Variants in RBPJL observed in about 807,000 individuals in gnomAD.
RBPJL encodes recombining binding protein suppressor of hairless-like protein.
A neutral mutation model predicts 57.6 loss-of-function variants in RBPJL; 50 were observed. The observed-to-expected ratio is 0.87, with a 90% CI of 0.69 to 1.10. The LOEUF (loss-of-function observed/expected upper bound fraction) is 1.10. Ranked by LOEUF, RBPJL falls within the 50% of genes least tolerant of loss-of-function variation. The pLI, the probability that RBPJL is intolerant of heterozygous loss-of-function variation, is 0.00. For synonymous variants in RBPJL, 303 were observed against 294.4 expected, an observed-to-expected ratio of 1.03 and a Z score of -0.30; for missense variants, 684 against 693.7, an observed-to-expected ratio of 0.99 and a Z score of 0.16.
At chr20:45,307,969 G>A (rs1369257731) in intron 1 of RBPJL, among the ~76,000 whole-genome samples, 174 bp from the exon 2 acceptor site, 1 of 152,170 alleles carries the variant, frequency 6.6e-6, no homozygotes, top group African/African-American at 2.4e-5. Flanking sequence ...GTTCCTGGAG[G>A]GATGAGAGTA....
At position 45,306,896 on chromosome 20, in the gene RBPJL, G is replaced by A. The variant is rs1986734680; in HGVS notation, c.-27G>A. On this transcript the variant is annotated 5_prime_UTR_variant, in exon 1 of 12. Coordinates refer to ENST00000343694, the MANE Select transcript of RBPJL (RefSeq NM_014276.4). ...TGGACTCGTCCAGAGGGCGGCGGGT[G>A]AGCGGCTGGGGCCCCGTGGAGCCAC... The A allele has an allele frequency of 3.2e-6, 4 of 1,256,626 alleles. No homozygotes were observed. In the South Asian group the frequency reaches 1.5e-4, roughly 48 times the overall value. The allele number at this position is 1,256,626 out of a possible 1,614,324, so 77.8% of individuals were successfully genotyped here.
At position 45,311,910 on chromosome 20, in the gene RBPJL, A is replaced by G. The variant is rs2145690372; in HGVS notation, c.400A>G (p.Thr134Ala). ...MGLDSASGSA[T>A]ETQKLNFEQQ... Reference sequence around the variant, plus strand: ...ACTGGACAGCGCGTCCGGCAGCGCCACTGAGACGCAGAAGCTGAATTTCGA... The same window carrying G: ...ACTGGACAGCGCGTCCGGCAGCGCCGCTGAGACGCAGAAGCTGAATTTCGA... The change falls in exon 5 of 12, where the codon ACT becomes GCT. Residue 134 changes from threonine (T) to alanine (A), a missense_variant. Physicochemically the swap from Thr to Ala is moderately conservative, Grantham distance 58 (BLOSUM62 0). Transcript: ENST00000343694. 1 of 1,551,434 alleles carries G rather than the reference A, an allele frequency of 6.4e-7. No individual in the cohort carries two copies. The highest frequency in any genetic ancestry group is 8.7e-7 in the Non-Finnish European group (1 of 1,147,040).
chr20:45,316,293 C>A lies in RBPJL; in HGVS notation c.1127C>A (p.Ala376Glu), dbSNP rs1429422324. The change falls in exon 10 of 12, where the codon GCG becomes GAG. Residue 376 changes from alanine (A) to glutamate (E), a missense_variant. Physicochemically the swap from Ala to Glu is moderately radical, Grantham distance 107. Coordinates refer to ENST00000343694, the MANE Select transcript of RBPJL (RefSeq NM_014276.4). ...SVEFSFSTSL[A>E]CTLEPVTPVP... ...GAATTTTCCTTCAGCACCAGCCTGG[C>A]GTGTACCCTGGAGCCGGTCACTCCG... 4 of 1,614,126 alleles carry A rather than the reference C, an allele frequency of 2.5e-6. No individual in the cohort carries two copies. The African/African-American group carries it at 5.3e-5, about 22-fold the overall frequency.
chr20:45,310,437 T>C (rs973891620), intron 3 of RBPJL, among the ~76,000 whole-genome samples: 19 of 151,986 alleles, frequency 1.3e-4, no homozygotes, highest in African/African-American at 4.6e-4. Flanking sequence ...TGAAACCCCC[T>C]CTCTACCAAA....
rs1382639682 is a variant in RBPJL at position 45,313,491 on chromosome 20, G to T, written c.643G>T (p.Val215Phe). Reference protein sequence around the residue: ...TDLCISSGSKVSLFNRLRSQT... With the variant: ...TDLCISSGSKFSLFNRLRSQT... The stretch of plus-strand genomic sequence containing the variant: ...AGTGTGCATATCCTCCGGCTCAAAG[G>T]TCTCCCTCTTCAACCGCCTGCGCTC... Residue 215 changes from valine to phenylalanine, a missense_variant, in exon 7 of 12, where the codon GTC becomes TTC. Val to Phe is a conservative substitution (Grantham distance 50). Coordinates refer to ENST00000343694, the MANE Select transcript of RBPJL (RefSeq NM_014276.4). The T allele has an allele frequency of 1.9e-6, 3 of 1,613,350 alleles. No homozygotes were observed. The highest frequency in any genetic ancestry group is 1.7e-4 in the Middle Eastern group (1 of 6,026).
intron 1 of RBPJL, 104 bp from the exon 2 acceptor site, chr20:45,308,039 C>A: frequency 1.3e-6 from 1 of 743,028 alleles, no homozygotes; most frequent in Non-Finnish European, 2.4e-6. Flanking sequence ...GGAAAGGACC[C>A]TGCAGAAGTG....
rs1305428088 is a variant in RBPJL at position 45,316,961 on chromosome 20, C to T, written c.*2C>T. ...TTCCACCTCTTCATCCAGACTTAGGCGCGCCCGGTAGCCCCGGCTGCCCAC... is the reference window on the plus strand; with the variant it reads ...TTCCACCTCTTCATCCAGACTTAGGTGCGCCCGGTAGCCCCGGCTGCCCAC... On this transcript the variant is annotated 3_prime_UTR_variant, in exon 12 of 12. Transcript: ENST00000343694. 3 of 1,607,998 alleles carry T rather than the reference C, an allele frequency of 1.9e-6. No homozygotes were observed. The highest frequency in any genetic ancestry group is 2.6e-6 in the Non-Finnish European group (3 of 1,175,684).
chr20:45,317,187 G>A lies in RBPJL; in HGVS notation c.*228G>A, dbSNP rs368071002. ...GAGTGGTGCTGTCTTTGTGTCCGTCGTGTATGGCTCTCCCTGTCTTCATTT... is the reference window on the plus strand; with the variant it reads ...GAGTGGTGCTGTCTTTGTGTCCGTCATGTATGGCTCTCCCTGTCTTCATTT... On this transcript the variant is annotated 3_prime_UTR_variant, in exon 12 of 12. Coordinates refer to ENST00000343694, the MANE Select transcript of RBPJL (RefSeq NM_014276.4). 4.5e-5 allele frequency: 26 copies of A among 581,160 alleles called. No individual in the cohort carries two copies. In the African/African-American group the frequency reaches 4.7e-4, roughly 10 times the overall value. The allele number at this position is 581,160 out of a possible 1,614,324, so 36.0% of individuals were successfully genotyped here.
chr20:45,317,161 T>G lies in RBPJL; in HGVS notation c.*202T>G. 1.6e-6 allele frequency: 1 copy of G among 607,606 alleles called. No individual in the cohort carries two copies. Among genetic ancestry groups the G allele is most frequent in the East Asian group, 2.8e-5 (1 of 35,724 alleles). 37.6% of individuals were successfully genotyped at this position (607,606 alleles called of 1,614,324 possible). On this transcript the variant is annotated 3_prime_UTR_variant, in exon 12 of 12. Transcript: ENST00000343694. ...CTTACACATACAGGAAGACAAGACC[T>G]GAGTGGTGCTGTCTTTGTGTCCGTC...
intron 3 of RBPJL, among the ~76,000 whole-genome samples, chr20:45,310,344 C>T (rs1397372228): frequency 1.3e-5 from 2 of 152,144 alleles, no homozygotes; most frequent in Non-Finnish European, 2.9e-5. Flanking sequence ...CGATGGCTCA[C>T]ACCTGTAATC....
chr20:45,308,093 T>A lies in RBPJL; in HGVS notation c.23-50T>A, dbSNP rs546116902. The A allele has an allele frequency of 4.0e-5, 54 of 1,341,466 alleles. 1 individual carries two copies. The South Asian group carries it at 6.2e-4, about 16-fold the overall frequency. The allele number at this position is 1,341,466 out of a possible 1,614,324, so 83.1% of individuals were successfully genotyped here. On this transcript the variant is annotated intron_variant, in intron 1 of 11. Coordinates refer to ENST00000343694, the MANE Select transcript of RBPJL (RefSeq NM_014276.4). ...CAGATAGGGCACCCTAGGCAGCGTC[T>A]CTGCTAAAATACACTCGCCTGACCT... is the stretch of plus-strand genomic sequence containing the variant.
chr20:45,312,024 T>G, intron 5 of RBPJL, 70 bp downstream of exon 5: 1 of 1,456,296 alleles, frequency 6.9e-7, no homozygotes, highest in Non-Finnish European at 9.5e-7. Flanking sequence ...GAGGGCTCCT[T>G]TACTCCCCTC....
rs1173585749 is a variant in RBPJL at position 45,316,804 on chromosome 20, T to C, written c.1399T>C (p.Tyr467His). The change falls in exon 12 of 12, where the codon TAC becomes CAC. Residue 467 changes from tyrosine (Y) to histidine (H), a missense_variant. Transcript: ENST00000343694. ...CCTGGTGCGCGCCGACGGGCTCTTC[T>C]ACCCTAGTGCCTTCTCCTTCACCTA... ...MSLVRADGLF[Y>H]PSAFSFTYTP... 6.2e-7 allele frequency: 1 copy of C among 1,613,808 alleles called. No homozygotes were observed. Among genetic ancestry groups the C allele is most frequent in the Non-Finnish European group, 8.5e-7 (1 of 1,179,858 alleles).
rs543751498 is a variant in RBPJL, at chr20:45,313,646, G to A, written c.757+41G>A. On this transcript the variant is annotated intron_variant, in intron 7 of 11. Coordinates refer to ENST00000343694, the MANE Select transcript of RBPJL (RefSeq NM_014276.4). ...GGCCCTGGAGCTGGGCACTTCACATGCATTAGCTTATTTAACCTCCACCAC... is the reference window on the plus strand; with the variant it reads ...GGCCCTGGAGCTGGGCACTTCACATACATTAGCTTATTTAACCTCCACCAC... The A allele has an allele frequency of 2.3e-5, 35 of 1,536,106 alleles. No homozygotes were observed. The South Asian group carries it at 4.0e-4, about 18-fold the overall frequency.
At chr20:45,313,991 G>T in intron 7 of RBPJL, 44 bp from the exon 8 acceptor site, 2 of 1,396,752 alleles carry the variant, frequency 1.4e-6, no homozygotes. Flanking sequence ...GCAGAAGCTT[G>T]GGGGCCGCTG....
In RBPJL at chr20:45,311,851, G is replaced by T. The variant is rs758291471; in HGVS notation, c.341G>T (p.Gly114Val). 13 of 1,551,786 alleles carry T rather than the reference G, an allele frequency of 8.4e-6. No homozygotes were observed. The highest frequency in any genetic ancestry group is 1.1e-5 in the Non-Finnish European group (13 of 1,146,974). ...CGTCCCTTTCCAGCTCACCAGGCGG[G>T]GGAAACGGGGCCCACGGTCTGCGGT... ...KPGQDQAHQAGETGPTVCGYM... is the reference protein window; with the variant it reads ...KPGQDQAHQAVETGPTVCGYM... Residue 114 changes from glycine (G) to valine (V), a missense_variant, in exon 5 of 12, where the codon GGG becomes GTG. Coordinates refer to ENST00000343694, the MANE Select transcript of RBPJL (RefSeq NM_014276.4).
At chr20:45,314,752 A>G (rs1384424137) in intron 9 of RBPJL, among the ~76,000 whole-genome samples, 187 bp downstream of exon 9, 1 of 152,236 alleles carries the variant, frequency 6.6e-6, no homozygotes, top group Non-Finnish European at 1.5e-5. Context: ...AATAGTATGA[A>G]GCAATATTCC....
At chr20:45,316,380 C>T (rs1452607170) in intron 10 of RBPJL, 38 bp downstream of exon 10, 3 of 1,609,952 alleles carry the variant, frequency 1.9e-6, no homozygotes, top group South Asian at 1.1e-5. Flanking sequence ...CAGGGGGACC[C>T]TGCCTGCACT....
At chr20:45,308,830 T>C (rs1047519818) in intron 2 of RBPJL, among the ~76,000 whole-genome samples, 2 of 151,034 alleles carry the variant, frequency 1.3e-5, no homozygotes, top group African/African-American at 4.9e-5. Context: ...CCCACACCGC[T>C]CAAGACCCCC....
Sources: gnomAD v4.1 joint callset for allele counts (sites outside exome capture counted in the v4.1 genomes callset) on GRCh38, gnomAD v4.1.1 for gene constraint, MANE v1.5 for transcripts, NCBI Gene and HGNC (gene_info 2026-07-23, HGNC 2026-07-21) for gene names.